Variants in PDE1A observed in about 807,000 individuals in gnomAD.
The protein encoded by PDE1A is phosphodiesterase 1A, also known as dual specificity calcium/calmodulin-dependent 3',5'-cyclic nucleotide phosphodiesterase 1A.
Under a neutral mutation model 61.7 loss-of-function variants are expected in PDE1A, and 35 were observed. The ratio of observed to expected loss-of-function variants is 0.57; its 90% confidence interval spans 0.43 to 0.75. The LOEUF (loss-of-function observed/expected upper bound fraction) is 0.75, where lower values mean the gene tolerates loss of function less well. Ranked by LOEUF, PDE1A falls within the 30% of genes least tolerant of loss-of-function variation. PDE1A has a pLI of 0.00. For synonymous variants in PDE1A, 232 were observed against 213.2 expected (o/e 1.09, Z -0.77); for missense variants, 597 against 630.6 (o/e 0.95, Z 0.57).
At chr2:182,567,472 C>T in the PDE1A span, among the ~76,000 whole-genome samples, 1 of 152,178 alleles carries the variant, frequency 6.6e-6, no homozygotes, top group South Asian at 2.1e-4. Context: ...AATCTTTACT[C>T]ATTTAGACAT....
At chr2:182,598,455 C>T in the PDE1A span, among the ~76,000 whole-genome samples, 2 of 151,882 alleles carry the variant, frequency 1.3e-5, no homozygotes, top group African/African-American at 2.4e-5. Context: ...ACCTGTAATC[C>T]CAGATACTTG....
intron 2 of PDE1A, 40 bp downstream of exon 2, chr2:182,264,257 GGAGA>G: frequency 7.6e-7 from 1 of 1,311,332 alleles, no homozygotes; most frequent in East Asian, 2.3e-5. Flanking sequence ...AAGAAAAACG[GGAGA>G]GAATCAAAGA....
At chr2:182,646,419 G>C in the PDE1A span, among the ~76,000 whole-genome samples, 1 of 146,118 alleles carries the variant, frequency 6.8e-6, no homozygotes, top group East Asian at 2.1e-4. Flanking sequence ...GCCATACGCG[G>C]TGGCTCACAC....
Position 182,511,227 on chromosome 2 carries a change from C to T in PDE1A, c.101+11049G>A, listed in dbSNP as rs79602239. 8.4e-3 allele frequency among the ~76,000 whole-genome samples: 1,272 copies of T among 151,582 alleles called. 27 individuals are homozygous for T. The highest frequency in any genetic ancestry group is 0.029 in the African/African-American group (1,186 of 41,360). Reference sequence around the variant, plus strand: ...GGTCAACTAGATGTAGCCAGGAAAACCTTCTCTCACCAAGAGACCAGACCA... The same window carrying T: ...GGTCAACTAGATGTAGCCAGGAAAATCTTCTCTCACCAAGAGACCAGACCA... On this transcript the variant is annotated intron_variant, in intron 2 of 14. Coordinates refer to the PDE1A transcript ENST00000410103.
At chr2:182,396,187 C>A (rs1011852922) in intron 1 of PDE1A, among the ~76,000 whole-genome samples, 1 of 152,192 alleles carries the variant, frequency 6.6e-6, no homozygotes, top group African/African-American at 2.4e-5. Flanking sequence ...GCCTGGTTCA[C>A]AGATAGTTCT....
At chr2:182,221,445 G>C (rs533299491) in intron 7 of PDE1A, among the ~76,000 whole-genome samples, 9 of 152,092 alleles carry the variant, frequency 5.9e-5, no homozygotes, top group Admixed American at 5.2e-4. Context: ...GATCTGCATA[G>C]TCTTGTTTTC....
chr2:182,380,106 CTTTTTTTTTT>C (rs1226939777), intron 1 of PDE1A, among the ~76,000 whole-genome samples: 2 of 103,866 alleles, frequency 1.9e-5, no homozygotes, highest in African/African-American at 7.1e-5. Flanking sequence ...CCCAGCTCCT[CTTTTTTTTTT>C]TTTTTTTTTT....
the PDE1A span, among the ~76,000 whole-genome samples, chr2:182,529,600 G>A: frequency 1.3e-5 from 2 of 152,182 alleles, no homozygotes; most frequent in Admixed American, 6.5e-5. Flanking sequence ...AGGTTTGGGA[G>A]GGGGCCAGGA....
chr2:182,251,014 A>G (rs528381781), intron 2 of PDE1A, among the ~76,000 whole-genome samples: 2 of 152,310 alleles, frequency 1.3e-5, no homozygotes, highest in South Asian at 4.1e-4. Flanking sequence ...TTAATGGGTG[A>G]GGCAGAAAAC....
At chr2:182,387,425 AAAG>A (rs1274949825) in intron 1 of PDE1A, among the ~76,000 whole-genome samples, 1 of 152,088 alleles carries the variant, frequency 6.6e-6, no homozygotes. Flanking sequence ...AAAAAAAAAA[AAAG>A]AAGAAAGAAA....
At chr2:182,238,277 A>G (rs1306548122) in intron 3 of PDE1A, among the ~76,000 whole-genome samples, 6 of 150,700 alleles carry the variant, frequency 4.0e-5, no homozygotes, top group Non-Finnish European at 2.9e-5. Flanking sequence ...AAAAAAAAAA[A>G]AAAAAGAAAA....
chr2:182,458,911 G>C (rs1483958265), intron 2 of PDE1A, among the ~76,000 whole-genome samples: 1 of 151,966 alleles, frequency 6.6e-6, no homozygotes, highest in African/African-American at 2.4e-5. Context: ...GCCATTTGTG[G>C]TCCAGCTTTT....
chr2:182,510,066 T>C (rs1323167678), intron 2 of PDE1A, among the ~76,000 whole-genome samples: 2 of 152,152 alleles, frequency 1.3e-5, no homozygotes, highest in Admixed American at 6.6e-5. Flanking sequence ...TTTGAATAAC[T>C]ATAAATATCA....
At chr2:182,526,940 C>CT (rs767770230), upstream of PDE1A, among the ~76,000 whole-genome samples, 2 of 151,222 alleles carry the variant, frequency 1.3e-5, no homozygotes, top group African/African-American at 2.4e-5. Context: ...TCATTAGTTA[C>CT]TTTTTTTTCT....
At chr2:182,198,662 C>T (rs1226949497) in intron 10 of PDE1A, among the ~76,000 whole-genome samples, 4 of 151,526 alleles carry the variant, frequency 2.6e-5, no homozygotes, top group Non-Finnish European at 5.9e-5. Context: ...ATTAAACTGA[C>T]TCAAGTTATG....
At chr2:182,606,505 T>C in the PDE1A span, among the ~76,000 whole-genome samples, 1 of 152,166 alleles carries the variant, frequency 6.6e-6, no homozygotes, top group Non-Finnish European at 1.5e-5. Flanking sequence ...TAATGAAAAT[T>C]CAAACCCAGT....
At chr2:182,428,490 T>G (rs1466526603), upstream of PDE1A, among the ~76,000 whole-genome samples, 1 of 152,148 alleles carries the variant, frequency 6.6e-6, no homozygotes, top group Admixed American at 6.6e-5. Context: ...CATAGTTATG[T>G]AGTGACATCT....
the PDE1A span, among the ~76,000 whole-genome samples, chr2:182,577,982 A>AAGGAAGGAAGGAAGGAAGGAAGGAAGGG: frequency 7.2e-6 from 1 of 138,754 alleles, no homozygotes; most frequent in African/African-American, 2.8e-5. Flanking sequence ...GGAAGGAAGG[A>AAGGAAGGAAGGAAGGAAGGAAGGAAGGG]AGGAAGGAAG....
chr2:182,197,495 C>A (rs1686232971), intron 10 of PDE1A, among the ~76,000 whole-genome samples: 1 of 150,494 alleles, frequency 6.6e-6, no homozygotes, highest in African/African-American at 2.4e-5. Context: ...TTAGAGAGAT[C>A]TTCTCTTGCG....
Sources: allele counts gnomAD v4.1 joint callset (sites outside exome capture counted in the v4.1 genomes callset), GRCh38; gene constraint gnomAD v4.1.1; transcripts MANE v1.5; gene names NCBI Gene and HGNC (gene_info 2026-07-23, HGNC 2026-07-21).